Variants in MEGF6 observed in about 807,000 individuals in gnomAD.
The protein encoded by MEGF6 is multiple epidermal growth factor-like domains protein 6.
A neutral mutation model predicts 207.1 loss-of-function variants in MEGF6; 184 were observed. The ratio of observed to expected loss-of-function variants is 0.89; its 90% CI spans 0.79 to 1.00. MEGF6 has a LOEUF of 1.00. MEGF6 is among the 50% of genes least tolerant of loss of function. MEGF6 has a pLI of 0.00. For synonymous variants in MEGF6, 1,038 were observed against 910.0 expected (o/e 1.14, Z -2.53); for missense variants, 2,282 against 2,202.9 (o/e 1.04, Z -0.72).
intron 4 of MEGF6, among the ~76,000 whole-genome samples, chr1:3,529,279 C>A (rs1328551426): frequency 6.6e-6 from 1 of 152,178 alleles, no homozygotes; most frequent in Non-Finnish European, 1.5e-5. Flanking sequence ...GTTAGCGGGG[C>A]CCCAGCAAAG....
At position 3,509,980 on chromosome 1, in the gene MEGF6, C is replaced by T. The variant is rs1315753971; in HGVS notation, c.1247G>A (p.Cys416Tyr). 1.3e-6 allele frequency: 2 copies of T among 1,585,694 alleles called. No homozygotes were observed. Among genetic ancestry groups the T allele is most frequent in the East Asian group, 4.5e-5 (2 of 44,120 alleles). The part of the protein sequence containing the change: ...DGCGCEDVDE[C>Y]ASSRGGCEHH... ...CTCGCAGCCGCCACGGCTGGAGGCG[C>T]ACTCATCCACATCTGCGGGCGACCC... Residue 416 changes from cysteine to tyrosine, a missense_variant, in exon 11 of 37, where the codon TGC becomes TAC. Coordinates refer to ENST00000356575, the MANE Select transcript of MEGF6 (RefSeq NM_001409.4).
intron 5 of MEGF6, among the ~76,000 whole-genome samples, chr1:3,519,936 G>A (rs941112274): frequency 8.5e-5 from 13 of 152,304 alleles, no homozygotes; most frequent in African/African-American, 2.6e-4. Context: ...ACCCCCAGCC[G>A]TGTGCACATG....
In MEGF6 at chr1:3,570,912, C is replaced by T. The variant is rs578237585; in HGVS notation, c.481+8913G>A. Among the ~76,000 whole-genome samples, 5 of 152,328 alleles carry T rather than the reference C, an allele frequency of 3.3e-5. No homozygotes were observed. The East Asian group carries it at 9.7e-4, about 29-fold the overall frequency. On this transcript the variant is annotated intron_variant, in intron 4 of 36. Coordinates refer to ENST00000356575, the MANE Select transcript of MEGF6 (RefSeq NM_001409.4). ...GGGGCCACCCAGTCTCTCCCCTCCA[C>T]CAATCCCCAGGGACAGGGCCCCAGG...
chr1:3,545,002 G>A (rs957360641), intron 4 of MEGF6, among the ~76,000 whole-genome samples: 1 of 152,210 alleles, frequency 6.6e-6, no homozygotes, highest in Non-Finnish European at 1.5e-5. Context: ...CTTTAAAGGG[G>A]GGCATATACA....
chr1:3,493,085 C>T, intron 34 of MEGF6: 1 of 398,876 alleles, frequency 2.5e-6, no homozygotes, highest in Non-Finnish European at 4.6e-6. Flanking sequence ...AGGGATGCCC[C>T]CTCAGGGCAC....
chr1:3,560,710 T>C lies in MEGF6; in HGVS notation c.481+19115A>G. 2.2e-6 allele frequency: 1 copy of C among 458,170 alleles called. No homozygotes were observed. The highest frequency in any genetic ancestry group is 4.6e-6 in the Non-Finnish European group (1 of 219,700). 28.4% of individuals were successfully genotyped at this position (458,170 alleles called of 1,614,324 possible). A position where few individuals can be genotyped will look rare whatever the true frequency, so the allele number is the denominator to read the frequency against. On this transcript the variant is annotated intron_variant, in intron 4 of 36. Coordinates refer to ENST00000356575, the MANE Select transcript of MEGF6 (RefSeq NM_001409.4). The surrounding 1 kb of genome is among the most constrained non-coding windows in gnomAD (Gnocchi z 4.0). ...CCATCTGTGGTTTCCAGGGCAACCCTGGAAACCAAGAGTGGGTCGCCTAGA... is the reference window on the plus strand; with the variant it reads ...CCATCTGTGGTTTCCAGGGCAACCCCGGAAACCAAGAGTGGGTCGCCTAGA...
At chr1:3,492,531 G>T in intron 35 of MEGF6, 108 bp downstream of exon 35, 2 of 1,491,972 alleles carry the variant, frequency 1.3e-6, no homozygotes, top group South Asian at 1.2e-5. Flanking sequence ...GCCATAGGGT[G>T]ACCCGGCCAA....
At chr1:3,609,264 C>T (rs1042556055) in intron 1 of MEGF6, among the ~76,000 whole-genome samples, 17 of 152,318 alleles carry the variant, frequency 1.1e-4, no homozygotes, top group African/African-American at 3.8e-4. Flanking sequence ...CAGAGTGAGC[C>T]TCAGAACGGG....
intron 5 of MEGF6, among the ~76,000 whole-genome samples, chr1:3,519,904 G>T (rs1641680683): frequency 6.6e-6 from 1 of 152,224 alleles, no homozygotes; most frequent in Non-Finnish European, 1.5e-5. Flanking sequence ...AGAGCCAGGT[G>T]GGGAGGCAGG....
At chr1:3,589,760 G>A (rs1012758680) in intron 3 of MEGF6, among the ~76,000 whole-genome samples, 8 of 152,180 alleles carry the variant, frequency 5.3e-5, no homozygotes, top group Admixed American at 1.3e-4. Flanking sequence ...CATCGGCCCC[G>A]TTCAACACAT....
chr1:3,611,226 C>G lies in MEGF6; in HGVS notation c.43G>C (p.Val15Leu), dbSNP rs756118405. ...EEARAAGRAVVLALVLLLLPA... is the reference protein window; with the variant it reads ...EEARAAGRAVLLALVLLLLPA... ...AGCAGCAGCAGCACCAACGCCAGGA[C>G]CACCGCGCGCCCCGCTGCCCTCGCC... Residue 15 changes from valine to leucine, a missense_variant, in exon 1 of 37, where the codon GTC becomes CTC. Transcript: ENST00000356575. 2.7e-5 allele frequency: 41 copies of G among 1,540,396 alleles called. No homozygotes were observed. The African/African-American group carries it at 5.6e-4, about 21-fold the overall frequency.
rs184603965 is a variant in MEGF6, at chr1:3,573,728, T to G, written c.481+6097A>C. ...CACTCCCTGGGGCACAGAGTCTGAG[T>G]CTGGCAGCGGCAGCTCCCAGGCCTG... On this transcript the variant is annotated intron_variant, in intron 4 of 36. Transcript: ENST00000356575. This position sits in a 1 kb window ranked among gnomAD's most constrained non-coding sequence, Gnocchi z 5.1. Among the ~76,000 whole-genome samples, 1,911 of 152,014 alleles carry G rather than the reference T, an allele frequency of 0.013. 18 individuals are homozygous for G. The highest frequency in any genetic ancestry group is 0.021 in the Non-Finnish European group (1,401 of 67,924).
chr1:3,494,861 GTC>G (rs1640536054), intron 30 of MEGF6, 120 bp from the exon 31 acceptor site: 1 of 1,389,278 alleles, frequency 7.2e-7, no homozygotes. Context: ...ATCAGTGCCA[GTC>G]TCTGCCTGCT....
upstream of MEGF6, among the ~76,000 whole-genome samples, chr1:3,616,207 G>GA (rs1644377479): frequency 6.6e-6 from 1 of 152,170 alleles, no homozygotes; most frequent in Admixed American, 6.5e-5. Flanking sequence ...TTCCAGAGCT[G>GA]AGAGTCCCAC....
intron 2 of MEGF6, among the ~76,000 whole-genome samples, chr1:3,600,508 G>C (rs1644140058): frequency 6.6e-6 from 1 of 152,178 alleles, no homozygotes; most frequent in South Asian, 2.1e-4. Flanking sequence ...GGAGCTGGAG[G>C]GCGGGGAACA....
intron 35 of MEGF6, 139 bp downstream of exon 35, chr1:3,492,500 G>A: frequency 8.3e-7 from 1 of 1,200,934 alleles, no homozygotes; most frequent in Non-Finnish European, 1.2e-6. Context: ...GGGGACAGAT[G>A]ACATTCGCTA....
At chr1:3,544,306 G>T (rs1358686435) in intron 4 of MEGF6, among the ~76,000 whole-genome samples, 1 of 146,074 alleles carries the variant, frequency 6.8e-6, no homozygotes, top group African/African-American at 2.8e-5. Context: ...CCAGGCTCTG[G>T]AGCCCACAGA....
chr1:3,551,189 G>A (rs550010779), intron 4 of MEGF6, among the ~76,000 whole-genome samples: 15 of 152,328 alleles, frequency 9.8e-5, no homozygotes, highest in African/African-American at 2.9e-4. Flanking sequence ...CAGAGGCTCC[G>A]CTTGGGGGTG....
At position 3,534,230 on chromosome 1, in the gene MEGF6, G is replaced by A. The variant is rs1351477189; in HGVS notation, c.482-9984C>T. ...TTCTCAGTCAGTATGTTCTTAGCAA[G>A]AAAGAATAGAAGAGAACTACCCAGT... On this transcript the variant is annotated intron_variant, in intron 4 of 36. Transcript: ENST00000356575. Among the ~76,000 whole-genome samples, 4 of 152,306 alleles carry A rather than the reference G, an allele frequency of 2.6e-5. No individual in the cohort carries two copies. In the East Asian group the frequency reaches 5.8e-4, roughly 22 times the overall value.
Sources: allele counts gnomAD v4.1 joint callset (sites outside exome capture counted in the v4.1 genomes callset), GRCh38; gene constraint gnomAD v4.1.1; non-coding constraint Gnocchi (gnomAD v3.1); transcripts MANE v1.5; gene names NCBI Gene and HGNC (gene_info 2026-07-23, HGNC 2026-07-21).